The following PSMD14 variants were observed in gnomAD, a reference collection of about 807,000 sequenced individuals.
PSMD14 encodes the protein ubiquitin C-terminal hydrolase PSMD14.
In PSMD14, 7 loss-of-function variants were observed where a neutral mutation model predicts 41.2. That is an observed-to-expected ratio of 0.17 (90% CI 0.10 to 0.32). PSMD14 has a LOEUF of 0.32. Ranked by LOEUF, PSMD14 falls within the 10% of genes least tolerant of loss-of-function variation. The pLI, the probability that PSMD14 is intolerant of heterozygous loss-of-function variation, is 1.00. For synonymous variants in PSMD14, 114 were observed against 122.3 expected (o/e 0.93, Z 0.45); for missense variants, 139 against 375.6 (o/e 0.37, Z 5.21).
At chr2:161,314,367 C>G (rs1689125505) in intron 1 of PSMD14, among the ~76,000 whole-genome samples, 1 of 152,162 alleles carries the variant, frequency 6.6e-6, no homozygotes, top group African/African-American at 2.4e-5. Context: ...CTCATTGACA[C>G]TTTAAAAAAT....
chr2:161,339,309 GTTAA>G (rs1303807967), intron 3 of PSMD14, among the ~76,000 whole-genome samples: 1 of 152,014 alleles, frequency 6.6e-6, no homozygotes, highest in East Asian at 1.9e-4. Context: ...ACTTGATATG[GTTAA>G]TTTTTTTAAT....
intron 8 of PSMD14, among the ~76,000 whole-genome samples, chr2:161,386,903 C>T (rs1004549442): frequency 2.6e-5 from 4 of 151,822 alleles, no homozygotes; most frequent in African/African-American, 9.7e-5. Context: ...CCTTAAAAAT[C>T]GACTGTAATC....
chr2:161,335,587 T>C (rs1341529779), intron 3 of PSMD14, among the ~76,000 whole-genome samples: 2 of 152,274 alleles, frequency 1.3e-5, no homozygotes, highest in Admixed American at 6.5e-5. Flanking sequence ...CTTTCCCATT[T>C]TTTTAGACAA....
At chr2:161,384,806 T>C (rs928757677) in intron 7 of PSMD14, 3 of 151,850 alleles carry the variant, frequency 2.0e-5, no homozygotes, top group African/African-American at 7.2e-5. Flanking sequence ...ATCTTTACCA[T>C]GAATTTAGGA....
At chr2:161,315,143 G>A (rs1689133191) in intron 1 of PSMD14, among the ~76,000 whole-genome samples, 1 of 152,174 alleles carries the variant, frequency 6.6e-6, no homozygotes, top group Non-Finnish European at 1.5e-5. Flanking sequence ...TATCCCCCGG[G>A]GACGTTTGGT....
At chr2:161,348,386 A>G (rs910087192) in intron 3 of PSMD14, among the ~76,000 whole-genome samples, 2 of 152,236 alleles carry the variant, frequency 1.3e-5, no homozygotes, top group African/African-American at 2.4e-5. Flanking sequence ...GCCATGTTCC[A>G]ATAAAATTTC....
chr2:161,317,547 G>C (rs1689160099), intron 2 of PSMD14, among the ~76,000 whole-genome samples: 1 of 152,132 alleles, frequency 6.6e-6, no homozygotes, highest in African/African-American at 2.4e-5. Flanking sequence ...TGGTTACATG[G>C]ATGTGTTCAC....
intron 3 of PSMD14, among the ~76,000 whole-genome samples, chr2:161,333,243 G>A (rs990493802): frequency 2.6e-5 from 4 of 151,974 alleles, no homozygotes; most frequent in African/African-American, 9.7e-5. Context: ...TCCTTTTTTA[G>A]TAAGTTGACT....
chr2:161,330,739 C>T (rs13398392), intron 3 of PSMD14, among the ~76,000 whole-genome samples: 43,513 of 151,958 alleles, frequency 0.29, 6,716 homozygotes, highest in East Asian at 0.51. Context: ...AGCTGTTGCC[C>T]GTGATTGCAC....
chr2:161,344,632 T>G (rs879332455), intron 3 of PSMD14, among the ~76,000 whole-genome samples: 2 of 81,888 alleles, frequency 2.4e-5, no homozygotes, highest in Non-Finnish European at 5.9e-5. Flanking sequence ...ACATTTCTGG[T>G]GTTCTTCTTT....
At chr2:161,402,072 T>C (rs1400122735) in intron 10 of PSMD14, among the ~76,000 whole-genome samples, 1 of 152,182 alleles carries the variant, frequency 6.6e-6, no homozygotes, top group Non-Finnish European at 1.5e-5. Context: ...TCCTCTCTCT[T>C]TCTCACATCT....
intron 11 of PSMD14, among the ~76,000 whole-genome samples, chr2:161,409,129 C>T (rs115942505): frequency 2.5e-3 from 377 of 152,026 alleles, no homozygotes; most frequent in African/African-American, 8.4e-3. Context: ...AAATAATTTA[C>T]TAGGAACAAA....
chr2:161,335,749 G>A (rs1682860184), intron 3 of PSMD14, among the ~76,000 whole-genome samples: 1 of 152,194 alleles, frequency 6.6e-6, no homozygotes, highest in South Asian at 2.1e-4. Flanking sequence ...TGGAATTACT[G>A]TGTTTAATCA....
At chr2:161,317,216 A>G (rs1297011188) in intron 2 of PSMD14, among the ~76,000 whole-genome samples, 1 of 152,106 alleles carries the variant, frequency 6.6e-6, no homozygotes, top group African/African-American at 2.4e-5. Context: ...TATTTGATGG[A>G]GATTTTATTT....
At chr2:161,346,249 T>G (rs966811994) in intron 3 of PSMD14, among the ~76,000 whole-genome samples, 1 of 152,112 alleles carries the variant, frequency 6.6e-6, no homozygotes, top group Non-Finnish European at 1.5e-5. Flanking sequence ...CATTGTTTTT[T>G]CTTCTGGACA....
intron 7 of PSMD14, among the ~76,000 whole-genome samples, chr2:161,378,027 C>T (rs1683524641): frequency 6.6e-6 from 1 of 151,864 alleles, no homozygotes; most frequent in African/African-American, 2.4e-5. Flanking sequence ...TTTTAAAGAT[C>T]ACATTCTAGA....
Position 161,371,220 on chromosome 2 carries a change from T to C in PSMD14, c.360T>C (p.Cys120=). ...ATCACAGTCACCCTGGCTTTGGTTG[T>C]TGGCTTTCTGGTGTGGATATCAACA... ...GWYHSHPGFG[C]WLSGVDINTQ... Residue 120 remains cysteine (C), a synonymous_variant, in exon 7 of 12, where the codon TGT becomes TGC. Coordinates refer to ENST00000409682, the MANE Select transcript of PSMD14 (RefSeq NM_005805.6). The C allele has an allele frequency of 6.2e-7, 1 of 1,612,762 alleles. No individual in the cohort carries two copies. Among genetic ancestry groups the C allele is most frequent in the South Asian group, 1.1e-5 (1 of 90,948 alleles).
At chr2:161,357,903 C>CT (rs11412874) in intron 3 of PSMD14, among the ~76,000 whole-genome samples, 98,015 of 146,176 alleles carry the variant, frequency 0.67, 32,561 homozygotes, top group Admixed American at 0.72. Context: ...ACTTCCTGTT[C>CT]TTTTTTTTTT....
At chr2:161,373,287 G>A (rs946105944) in intron 7 of PSMD14, among the ~76,000 whole-genome samples, 6 of 151,710 alleles carry the variant, frequency 4.0e-5, no homozygotes, top group Non-Finnish European at 1.5e-5. Context: ...TGTATGTTAG[G>A]AAGAAATCTT....
Sources: allele counts gnomAD v4.1 joint callset (sites outside exome capture counted in the v4.1 genomes callset), GRCh38; gene constraint gnomAD v4.1.1; transcripts MANE v1.5; gene names NCBI Gene and HGNC (gene_info 2026-07-23, HGNC 2026-07-21).